RNF125: variants seen among roughly 807,000 people sequenced by gnomAD.
The protein encoded by RNF125 is ring finger protein 125, also known as E3 ubiquitin-protein ligase RNF125.
In RNF125, 21 loss-of-function variants were observed where a neutral mutation model predicts 26.0. The observed-to-expected ratio is 0.81, with a 90% CI of 0.57 to 1.16. The LOEUF is 1.16. Ranked by LOEUF, RNF125 falls within the 50% of genes most tolerant of loss-of-function variation. RNF125 has a pLI of 0.00. For synonymous variants in RNF125, 95 were observed against 109.2 expected, an observed-to-expected ratio of 0.87 and a Z score of 0.81; for missense variants, 270 against 299.4, an observed-to-expected ratio of 0.90 and a Z score of 0.72.
chr18:32,028,322 A>T (rs1598808801), intron 1 of RNF125, among the ~76,000 whole-genome samples: 1 of 148,956 alleles, frequency 6.7e-6, no homozygotes, highest in Non-Finnish European at 1.5e-5. Flanking sequence ...AAAAAAAAAA[A>T]AAATAATAGG....
Position 32,068,672 on chromosome 18 carries a change from G to T in RNF125, c.*288G>T, listed in dbSNP as rs149159326. The T allele has an allele frequency of 6.6e-6, 2 of 302,018 alleles. No individual in the cohort carries two copies. The highest frequency in any genetic ancestry group is 1.4e-4 in the East Asian group (2 of 13,862). 18.7% of individuals were successfully genotyped at this position (302,018 alleles called of 1,614,324 possible). A position where few individuals can be genotyped will look rare whatever the true frequency, so the allele number is the denominator to read the frequency against. ...GGTAGGCAAGTAGGTGGAGGATCTC[G>T]GTTTGCAAATTAGATAATACTCTGT... On this transcript the variant is annotated 3_prime_UTR_variant, in exon 6 of 6. Coordinates refer to ENST00000217740, the MANE Select transcript of RNF125 (RefSeq NM_017831.4).
chr18:32,045,251 T>C (rs2039257324), intron 3 of RNF125, among the ~76,000 whole-genome samples: 2 of 152,082 alleles, frequency 1.3e-5, no homozygotes, highest in South Asian at 4.1e-4. Flanking sequence ...GCACTTGAAA[T>C]GTGGCTAGTC....
At chr18:32,067,695 G>A (rs1381547663) in intron 5 of RNF125, among the ~76,000 whole-genome samples, 1 of 152,146 alleles carries the variant, frequency 6.6e-6, no homozygotes, top group Non-Finnish European at 1.5e-5. Flanking sequence ...TGGATTTTGT[G>A]GGGGTTTTTT....
chr18:32,020,721 C>G (rs551035663), intron 1 of RNF125, among the ~76,000 whole-genome samples: 1 of 151,394 alleles, frequency 6.6e-6, no homozygotes, highest in African/African-American at 2.4e-5. Flanking sequence ...CCAGCCTGGC[C>G]GACATGGTGA....
chr18:32,027,473 C>T (rs2039047918), intron 1 of RNF125, among the ~76,000 whole-genome samples: 1 of 151,964 alleles, frequency 6.6e-6, no homozygotes, highest in African/African-American at 2.4e-5. Flanking sequence ...GCGATTGAAA[C>T]CAATACAAGA....
At chr18:32,030,861 A>T (rs1219498106) in intron 1 of RNF125, among the ~76,000 whole-genome samples, 4 of 152,054 alleles carry the variant, frequency 2.6e-5, no homozygotes, top group African/African-American at 9.7e-5. Flanking sequence ...GAGCTCGCTT[A>T]TTATTTTATT....
intron 4 of RNF125, among the ~76,000 whole-genome samples, chr18:32,057,025 A>G (rs2039392304): frequency 2.0e-5 from 3 of 152,198 alleles, no homozygotes; most frequent in South Asian, 4.1e-4. Context: ...CAAGGTGATA[A>G]GTAACTTACT....
At chr18:32,026,129 A>G (rs546703093) in intron 1 of RNF125, among the ~76,000 whole-genome samples, 3 of 150,670 alleles carry the variant, frequency 2.0e-5, no homozygotes, top group East Asian at 1.9e-4. Flanking sequence ...CAACAGCGCA[A>G]TCTTGGCTCA....
At chr18:32,033,031 C>T (rs1385056176) in intron 1 of RNF125, among the ~76,000 whole-genome samples, 1 of 152,156 alleles carries the variant, frequency 6.6e-6, no homozygotes, top group Non-Finnish European at 1.5e-5. Context: ...TCTGACGATA[C>T]ACAATGTAGA....
the RNF125 span, among the ~76,000 whole-genome samples, chr18:32,082,925 T>A: frequency 6.6e-6 from 1 of 152,196 alleles, no homozygotes; most frequent in Non-Finnish European, 1.5e-5. Flanking sequence ...GGTAGTCTCC[T>A]CTAATGTCCT....
intron 1 of RNF125, chr18:32,031,330 G>A (rs1440714831): frequency 6.6e-6 from 1 of 151,772 alleles, no homozygotes; most frequent in Non-Finnish European, 1.5e-5. Context: ...CTGAACCTTA[G>A]TTTGCCATCA....
downstream of RNF125, among the ~76,000 whole-genome samples, chr18:32,075,005 C>G (rs1036608725): frequency 2.0e-5 from 3 of 152,168 alleles, no homozygotes; most frequent in Admixed American, 1.3e-4. Context: ...TCCCTTACAA[C>G]AGTATTTTCT....
At chr18:32,073,434 G>GAT (rs2039549645), downstream of RNF125, among the ~76,000 whole-genome samples, 1 of 152,194 alleles carries the variant, frequency 6.6e-6, no homozygotes, top group Middle Eastern at 3.2e-3. Context: ...ACAGGTCAGG[G>GAT]ATGCTGTTCA....
chr18:32,065,972 T>A lies in RNF125; in HGVS notation c.575T>A (p.Leu192Gln). 2 of 1,612,272 alleles carry A rather than the reference T, an allele frequency of 1.2e-6. No homozygotes were observed. The highest frequency in any genetic ancestry group is 1.7e-6 in the Non-Finnish European group (2 of 1,178,250). The change falls in exon 5 of 6, where the codon CTG becomes CAG. Residue 192 changes from leucine to glutamine, a missense_variant. Transcript: ENST00000217740. The part of the protein sequence containing the change: ...SSFSGSLIRH[L>Q]QVSHTLFYDD... ...TTCAGTGGCAGTTTAATAAGACATC[T>A]GCAAGTTAGTCACACTTTGTTTTAT...
rs1286420329 is a variant in RNF125, at chr18:32,070,877, T to C, written c.*2493T>C. On this transcript the variant is annotated 3_prime_UTR_variant, in exon 6 of 6. Transcript: ENST00000217740. The stretch of plus-strand genomic sequence containing the variant: ...GCGCCACCACGCCCTGCTAATTTTG[T>C]ATTTTTAGTAGAGTCAGGATTTCTC... The C allele has an allele frequency of 2.0e-5, 3 of 151,896 alleles. No individual in the cohort carries two copies. Among genetic ancestry groups the C allele is most frequent in the Non-Finnish European group, 2.9e-5 (2 of 68,022 alleles). The allele number at this position is 151,896 out of a possible 1,614,324, so 9.4% of individuals were successfully genotyped here.
At chr18:32,024,044 C>T (rs779474595) in intron 1 of RNF125, among the ~76,000 whole-genome samples, 5 of 152,112 alleles carry the variant, frequency 3.3e-5, no homozygotes, top group South Asian at 2.1e-4. Flanking sequence ...TAACCTCTTA[C>T]GATTTTTCTT....
At chr18:32,043,817 A>C (rs1175957614) in intron 3 of RNF125, among the ~76,000 whole-genome samples, 1 of 152,204 alleles carries the variant, frequency 6.6e-6, no homozygotes, top group African/African-American at 2.4e-5. Flanking sequence ...TTTGCTTTAC[A>C]GAAGAATTTA....
At chr18:32,020,915 A>G (rs931581116) in intron 1 of RNF125, among the ~76,000 whole-genome samples, 1 of 152,078 alleles carries the variant, frequency 6.6e-6, no homozygotes, top group Non-Finnish European at 1.5e-5. Flanking sequence ...TCTCAAAAAA[A>G]AGAAAGAAAA....
At chr18:32,026,563 G>T (rs1336246718) in intron 1 of RNF125, among the ~76,000 whole-genome samples, 1 of 152,086 alleles carries the variant, frequency 6.6e-6, no homozygotes, top group African/African-American at 2.4e-5. Context: ...TTTTGTGGGA[G>T]CAGAGAGAAT....
Sources: allele counts gnomAD v4.1 joint callset (sites outside exome capture counted in the v4.1 genomes callset), GRCh38; gene constraint gnomAD v4.1.1; transcripts MANE v1.5; gene names NCBI Gene and HGNC (gene_info 2026-07-23, HGNC 2026-07-21).